The following SMARCA2 variants were observed in gnomAD, a reference collection of about 807,000 sequenced individuals.
SMARCA2 encodes SWI/SNF related BAF chromatin remodeling complex subunit ATPase 2.
In SMARCA2, 61 loss-of-function variants were observed where a neutral mutation model predicts 199.8. The observed-to-expected ratio is 0.31, with a 90% confidence interval of 0.25 to 0.38. The LOEUF is 0.38. Ranked by LOEUF, SMARCA2 falls within the 10% of genes least tolerant of loss-of-function variation. SMARCA2 has a pLI of 1.00. For synonymous variants in SMARCA2, 935 were observed against 732.0 expected (o/e 1.28, Z -4.48); for missense variants, 1,344 against 2,012.2 (o/e 0.67, Z 6.35).
At chr9:2,072,406 A>G (rs903567571) in intron 10 of SMARCA2, among the ~76,000 whole-genome samples, 1 of 152,210 alleles carries the variant, frequency 6.6e-6, no homozygotes, top group Non-Finnish European at 1.5e-5. Flanking sequence ...GTAGTCTAGT[A>G]ATGAACTTTA....
At chr9:2,105,407 G>A (rs867175352) in intron 23 of SMARCA2, among the ~76,000 whole-genome samples, 3 of 134,482 alleles carry the variant, frequency 2.2e-5, no homozygotes, top group Admixed American at 6.9e-5. Context: ...CACCACGCCC[G>A]GCTAATTTTT....
At chr9:2,073,803 A>G (rs1192329681) in intron 12 of SMARCA2, among the ~76,000 whole-genome samples, 180 bp downstream of exon 12, 2 of 152,204 alleles carry the variant, frequency 1.3e-5, no homozygotes, top group Admixed American at 6.5e-5. Context: ...CTAGTGGTAC[A>G]GTGATCTCTT....
intron 29 of SMARCA2, among the ~76,000 whole-genome samples, chr9:2,175,596 C>A (rs1431336274): frequency 6.6e-6 from 1 of 152,102 alleles, no homozygotes; most frequent in African/African-American, 2.4e-5. Context: ...AACGTAATTT[C>A]TTTGGAAAAA....
At chr9:2,068,389 C>G (rs1472010899) in intron 9 of SMARCA2, among the ~76,000 whole-genome samples, 1 of 151,876 alleles carries the variant, frequency 6.6e-6, no homozygotes, top group Admixed American at 6.6e-5. Flanking sequence ...TTTTTTTATG[C>G]CTTGTGCTTT....
Position 2,086,703 on chromosome 9 carries a change from AAGGTAATCAC to A in SMARCA2, c.2527-123_2527-114del. On this transcript the variant is annotated intron_variant, in intron 17 of 33. Transcript: ENST00000349721. The surrounding 1 kb of genome is among the most constrained non-coding windows in gnomAD (Gnocchi z 4.3). The stretch of plus-strand genomic sequence containing the variant: ...ACATTGTTGAGATTCCCTTGTCTCA[AAGGTAATCAC>A]AGCATATCATATACCAAGGATGGGT... 1 of 977,020 alleles carries A rather than the reference AAGGTAATCAC, an allele frequency of 1.0e-6. No homozygotes were observed. The highest frequency in any genetic ancestry group is 2.4e-5 in the East Asian group (1 of 41,828). The allele number at this position is 977,020 out of a possible 1,614,324, so 60.5% of individuals were successfully genotyped here.
Position 2,119,894 on chromosome 9 carries a change from T to G in SMARCA2, c.3762+359T>G, listed in dbSNP as rs188391735. 1.4e-3 allele frequency among the ~76,000 whole-genome samples: 208 copies of G among 152,296 alleles called. No homozygotes were observed. Among genetic ancestry groups the G allele is most frequent in the African/African-American group, 4.8e-3 (200 of 41,554 alleles). ...AGGCCTCGCGGTCTACAGCTTACCA[T>G]AGACGCCCTCCTGTTCCCAGTTCGT... On this transcript the variant is annotated intron_variant, in intron 26 of 33. Transcript: ENST00000349721. The surrounding 1 kb of genome is among the most constrained non-coding windows in gnomAD (Gnocchi z 4.6).
At chr9:2,028,545 C>G (rs7860173) in intron 1 of SMARCA2, among the ~76,000 whole-genome samples, 4,525 of 152,246 alleles carry the variant, frequency 0.03, 122 homozygotes, top group Non-Finnish European at 0.042. Flanking sequence ...AATGCCCACT[C>G]ACTTATGAAA....
At chr9:2,094,442 GA>G (rs1822186547) in intron 19 of SMARCA2, among the ~76,000 whole-genome samples, 1 of 152,192 alleles carries the variant, frequency 6.6e-6, no homozygotes, top group African/African-American at 2.4e-5. Flanking sequence ...GAAGGTGCTT[GA>G]GTGTTCTTTC....
At position 2,046,596 on chromosome 9, in the gene SMARCA2, C is replaced by G. The variant is rs78320768; in HGVS notation, c.791-633C>G. 5.1e-3 allele frequency among the ~76,000 whole-genome samples: 780 copies of G among 152,306 alleles called. 6 individuals carry two copies. The highest frequency in any genetic ancestry group is 0.018 in the African/African-American group (738 of 41,564). ...AGTGTGTGCTCCTTGTAGTTCACATCAGAAGACTGATAAACTCGTTGCTCT... is the reference window on the plus strand; with the variant it reads ...AGTGTGTGCTCCTTGTAGTTCACATGAGAAGACTGATAAACTCGTTGCTCT... On this transcript the variant is annotated intron_variant, in intron 4 of 33. Coordinates refer to ENST00000349721, the MANE Select transcript of SMARCA2 (RefSeq NM_003070.5).
intron 5 of SMARCA2, among the ~76,000 whole-genome samples, chr9:2,054,165 G>A (rs1387113508): frequency 6.6e-6 from 1 of 152,192 alleles, no homozygotes; most frequent in Non-Finnish European, 1.5e-5. Context: ...GAAGACAAAT[G>A]GTCTGGTTGC....
In SMARCA2 at chr9:2,192,676, C is replaced by G. The variant is rs375757689; in HGVS notation, c.4738-28C>G. On this transcript the variant is annotated intron_variant, in intron 33 of 33. Transcript: ENST00000349721. ...CTTTTTCTTGCATGTGATGTTACTT[C>G]ATTTTATCTTCTTATTTTTACTTTT... 8.2e-5 allele frequency: 126 copies of G among 1,537,428 alleles called. No individual in the cohort carries two copies. The African/African-American group carries it at 1.6e-3, about 20-fold the overall frequency.
Position 2,029,152 on chromosome 9 carries a change from A to G in SMARCA2, c.130A>G (p.Met44Val), listed in dbSNP as rs531812409. The G allele has an allele frequency of 3.0e-5, 48 of 1,612,932 alleles. No individual in the cohort carries two copies. The South Asian group carries it at 4.7e-4, about 16-fold the overall frequency. Residue 44 changes from methionine to valine, a missense_variant, in exon 2 of 34, where the codon ATG (methionine) becomes GTG (valine). Physicochemically the swap from Met to Val is conservative, Grantham distance 21. Transcript: ENST00000349721. ...ATCCCCAGGTTCCGTCCACAGCATG[A>G]TGGGGCCAAGTCCTGGACCTCCAAG... The part of the protein sequence containing the change: ...GPSPGSVHSM[M>V]GPSPGPPSVS...
intron 27 of SMARCA2, among the ~76,000 whole-genome samples, chr9:2,149,075 G>A (rs1028927959): frequency 6.6e-6 from 1 of 151,102 alleles, no homozygotes; most frequent in South Asian, 2.1e-4. Context: ...TTTTCACACT[G>A]CTGATAAAGA....
intron 28 of SMARCA2, among the ~76,000 whole-genome samples, chr9:2,167,354 T>C (rs910681593): frequency 5.9e-5 from 9 of 152,244 alleles, no homozygotes; most frequent in African/African-American, 2.2e-4. Flanking sequence ...GAATAGGGTG[T>C]CATCACCTCC....
intron 3 of SMARCA2, among the ~76,000 whole-genome samples, chr9:2,037,981 T>C (rs1227705486): frequency 1.3e-5 from 2 of 152,222 alleles, no homozygotes; most frequent in African/African-American, 4.8e-5. Context: ...TGAGGTTTTT[T>C]GTGCATTTTG....
Position 2,123,647 on chromosome 9 carries a change from T to C in SMARCA2, c.3763-72T>C, listed in dbSNP as rs1240641366. Reference sequence around the variant, plus strand: ...AGCCATAGGAAGTGACTTGGGGAAGTTGTGTAGTGCTGGGAAGTCTGCACC... The same window carrying C: ...AGCCATAGGAAGTGACTTGGGGAAGCTGTGTAGTGCTGGGAAGTCTGCACC... On this transcript the variant is annotated intron_variant, in intron 26 of 33. Coordinates refer to ENST00000349721, the MANE Select transcript of SMARCA2 (RefSeq NM_003070.5). This position sits in a 1 kb window ranked among gnomAD's most constrained non-coding sequence, Gnocchi z 4.1. The C allele has an allele frequency of 1.5e-6, 2 of 1,325,448 alleles. No homozygotes were observed. Among genetic ancestry groups the C allele is most frequent in the African/African-American group, 1.4e-5 (1 of 69,802 alleles). The allele number at this position is 1,325,448 out of a possible 1,614,324, so 82.1% of individuals were successfully genotyped here.
intron 27 of SMARCA2, among the ~76,000 whole-genome samples, chr9:2,134,715 C>G (rs1824120169): frequency 1.3e-5 from 2 of 152,130 alleles, no homozygotes; most frequent in Non-Finnish European, 2.9e-5. Context: ...ATCCTAACCC[C>G]CAATGTGATA....
At chr9:2,159,657 C>T (rs1227224795) in intron 27 of SMARCA2, 1 of 824,852 alleles carries the variant, frequency 1.2e-6, no homozygotes, top group East Asian at 2.7e-5. Flanking sequence ...AATATTAAAA[C>T]AGGCTGAAGG....
chr9:2,029,061 AG>A lies in SMARCA2; in HGVS notation c.42del (p.Pro15LeufsTer29). 1 of 1,559,098 alleles carries A rather than the reference AG, an allele frequency of 6.4e-7. No individual in the cohort carries two copies. Among genetic ancestry groups the A allele is most frequent in the Non-Finnish European group, 8.7e-7 (1 of 1,150,726 alleles). Reference protein sequence around the residue: ...PTDPGAMPHPGPSPGPGPSPG... With the variant: ...PTDPGAMPHPXPSPGPGPSPG... ...CAGACCCTGGTGCGATGCCCCACCC[AG>A]GGCCTTCGCCGGGGCCTGGGCCTTC... On this transcript the variant is annotated frameshift_variant, in exon 2 of 34. Transcript: ENST00000349721. LOFTEE classifies it high-confidence loss of function.
Sources: gnomAD v4.1 joint callset for allele counts (sites outside exome capture counted in the v4.1 genomes callset) on GRCh38, gnomAD v4.1.1 for gene constraint, Gnocchi (gnomAD v3.1) non-coding constraint, MANE v1.5 for transcripts, NCBI Gene and HGNC (gene_info 2026-07-23, HGNC 2026-07-21) for gene names.